SDK1: variants seen among roughly 807,000 people sequenced by gnomAD.
The protein encoded by SDK1 is sidekick cell adhesion molecule 1, also known as protein sidekick-1.
SDK1 carries 157 observed loss-of-function variants against 245.5 expected under a neutral mutation model. The observed-to-expected ratio is 0.64, with a 90% CI of 0.56 to 0.73. The LOEUF is 0.73. Ranked by LOEUF, SDK1 falls within the 30% of genes least tolerant of loss-of-function variation. The pLI is 0.00. For missense variants in SDK1, 3,583 were observed against 3,002.3 expected (o/e 1.19, Z -4.52); for synonymous variants, 1,647 against 1,278.5 (o/e 1.29, Z -6.15).
At chr7:3,719,505 C>G (rs1785302244) in intron 4 of SDK1, among the ~76,000 whole-genome samples, 1 of 152,078 alleles carries the variant, frequency 6.6e-6, no homozygotes, top group African/African-American at 2.4e-5. Flanking sequence ...ATATGCCCAA[C>G]TAATTTTTGA....
At chr7:3,852,607 C>T (rs1274302969) in intron 5 of SDK1, among the ~76,000 whole-genome samples, 8 of 151,340 alleles carry the variant, frequency 5.3e-5, no homozygotes, top group Admixed American at 3.9e-4. Context: ...AAAAATTAGC[C>T]GGGCTTGGTG....
At chr7:3,304,102 T>C (rs1364109430) in intron 1 of SDK1, among the ~76,000 whole-genome samples, 1 of 152,192 alleles carries the variant, frequency 6.6e-6, no homozygotes, top group East Asian at 1.9e-4. Context: ...ATAACCTAGG[T>C]TACAGACCCT....
At chr7:3,461,876 A>T (rs1237372351) in intron 1 of SDK1, among the ~76,000 whole-genome samples, 1 of 152,124 alleles carries the variant, frequency 6.6e-6, no homozygotes, top group African/African-American at 2.4e-5. Flanking sequence ...GGGAACATGT[A>T]CTATCAATTT....
At chr7:3,885,066 G>A (rs1253820873) in intron 5 of SDK1, among the ~76,000 whole-genome samples, 2 of 152,114 alleles carry the variant, frequency 1.3e-5, no homozygotes, top group East Asian at 3.9e-4. Flanking sequence ...ATAGCCCCTG[G>A]GGACTATGGC....
At chr7:3,724,546 C>T (rs1484284309) in intron 4 of SDK1, among the ~76,000 whole-genome samples, 1 of 152,116 alleles carries the variant, frequency 6.6e-6, no homozygotes, top group Non-Finnish European at 1.5e-5. Context: ...TTATGCCTTC[C>T]AAGGGGCCTA....
chr7:3,774,599 T>A (rs558032480), intron 4 of SDK1, among the ~76,000 whole-genome samples: 6 of 152,184 alleles, frequency 3.9e-5, no homozygotes, highest in Non-Finnish European at 8.8e-5. Flanking sequence ...CCTCCAGAGT[T>A]CCAAAATAGT....
chr7:4,104,792 T>G (rs1423189480), intron 22 of SDK1, among the ~76,000 whole-genome samples: 1 of 151,880 alleles, frequency 6.6e-6, no homozygotes, highest in East Asian at 1.9e-4. Context: ...AGCCTTGACA[T>G]CCTGGGCGCT....
At chr7:3,332,169 T>C (rs1472056343) in intron 1 of SDK1, among the ~76,000 whole-genome samples, 2 of 152,234 alleles carry the variant, frequency 1.3e-5, no homozygotes, top group African/African-American at 4.8e-5. Flanking sequence ...AGATTTAAAC[T>C]GGTTTATTTT....
intron 1 of SDK1, among the ~76,000 whole-genome samples, chr7:3,587,275 G>C (rs972675772): frequency 2.6e-5 from 4 of 151,106 alleles, no homozygotes; most frequent in African/African-American, 9.8e-5. Flanking sequence ...GTTTGTATTA[G>C]TCAAGATTCT....
intron 4 of SDK1, among the ~76,000 whole-genome samples, chr7:3,657,479 A>T (rs1318520254): frequency 6.6e-6 from 1 of 152,122 alleles, no homozygotes; most frequent in East Asian, 1.9e-4. Flanking sequence ...AAGTGTGTGG[A>T]GGCAGGGTGG....
intron 30 of SDK1, among the ~76,000 whole-genome samples, chr7:4,155,400 C>G (rs1157569171): frequency 6.6e-6 from 1 of 152,224 alleles, no homozygotes; most frequent in Non-Finnish European, 1.5e-5. Flanking sequence ...TGTCCAGCCA[C>G]CTGACACGCA....
At chr7:3,616,170 G>A (rs1236515272) in intron 1 of SDK1, among the ~76,000 whole-genome samples, 1 of 152,142 alleles carries the variant, frequency 6.6e-6, no homozygotes, top group East Asian at 1.9e-4. Flanking sequence ...ATAGGCATAA[G>A]CCACCACAAC....
At chr7:4,161,548 G>T (rs1420268446) in intron 31 of SDK1, among the ~76,000 whole-genome samples, 1 of 152,204 alleles carries the variant, frequency 6.6e-6, no homozygotes, top group East Asian at 1.9e-4. Context: ...CACAGGGAGA[G>T]CCCAGTCTGG....
intron 4 of SDK1, among the ~76,000 whole-genome samples, chr7:3,776,079 C>T (rs1780551644): frequency 6.6e-6 from 1 of 152,188 alleles, no homozygotes; most frequent in African/African-American, 2.4e-5. Flanking sequence ...CATCAAAGTG[C>T]CAGACACTGG....
intron 8 of SDK1, among the ~76,000 whole-genome samples, chr7:3,962,233 ACCTGGGATGTG>A (rs1334959927): frequency 6.6e-6 from 1 of 152,228 alleles, no homozygotes; most frequent in African/African-American, 2.4e-5. Flanking sequence ...CGAGGCATGG[ACCTGGGATGTG>A]GCCTGTGTCC....
intron 32 of SDK1, among the ~76,000 whole-genome samples, chr7:4,167,962 C>T (rs1781596063): frequency 6.6e-6 from 1 of 152,204 alleles, no homozygotes; most frequent in Non-Finnish European, 1.5e-5. Context: ...ATGGAGCCGC[C>T]CTGCTGATGC....
chr7:4,083,663 T>C (rs372204707), intron 22 of SDK1, among the ~76,000 whole-genome samples: 1 of 99,046 alleles, frequency 1.0e-5, no homozygotes, highest in African/African-American at 3.2e-5. Context: ...ACCCCTCCCT[T>C]CTTTCCTCCC....
At chr7:3,903,193 G>T (rs1243458163) in intron 5 of SDK1, among the ~76,000 whole-genome samples, 1 of 150,072 alleles carries the variant, frequency 6.7e-6, no homozygotes, top group South Asian at 2.1e-4. Context: ...GCTCAGGCTA[G>T]AGTGCAGTGG....
At position 3,989,787 on chromosome 7, in the gene SDK1, C is replaced by T. The variant is rs150777396; in HGVS notation, c.2131+2465C>T. On this transcript the variant is annotated intron_variant, in intron 14 of 44. Coordinates refer to ENST00000404826, the MANE Select transcript of SDK1 (RefSeq NM_152744.4). Reference sequence around the variant, plus strand: ...TAACTCACTTTATTTCTCCTAATTACCTTTCTACACCCTCGCCCTTCCCTG... The same window carrying T: ...TAACTCACTTTATTTCTCCTAATTATCTTTCTACACCCTCGCCCTTCCCTG... Among the ~76,000 whole-genome samples the T allele has an allele frequency of 5.9e-3, 899 of 152,334 alleles. 2 individuals carry two copies. The highest frequency in any genetic ancestry group is 0.011 in the Non-Finnish European group (737 of 68,044).
Sources: allele counts gnomAD v4.1 joint callset (sites outside exome capture counted in the v4.1 genomes callset), GRCh38; gene constraint gnomAD v4.1.1; transcripts MANE v1.5; gene names NCBI Gene and HGNC (gene_info 2026-07-23, HGNC 2026-07-21).